Variants in PHF20L1 observed in about 807,000 individuals in gnomAD.
PHF20L1 encodes the protein PHD finger protein 20-like protein 1.
A neutral mutation model predicts 125.5 loss-of-function variants in PHF20L1; 44 were observed. The observed-to-expected ratio is 0.35, with a 90% confidence interval of 0.28 to 0.45. The LOEUF (loss-of-function observed/expected upper bound fraction) is 0.45. Ranked by LOEUF, PHF20L1 falls within the 20% of genes least tolerant of loss-of-function variation. The pLI, the probability that PHF20L1 is intolerant of heterozygous loss-of-function variation, is 1.00. For missense variants in PHF20L1, 1,012 were observed against 1,217.2 expected (o/e 0.83, Z 2.51); for synonymous variants, 380 against 403.1 (o/e 0.94, Z 0.69).
rs77662771 is a variant in PHF20L1 at position 132,785,198 on chromosome 8, T to C, written c.83+7287T>C. Among the ~76,000 whole-genome samples the C allele has an allele frequency of 1.2e-4, 19 of 152,300 alleles. No individual in the cohort carries two copies. In the East Asian group the frequency reaches 3.7e-3, roughly 29 times the overall value. On this transcript the variant is annotated intron_variant, in intron 2 of 20. Coordinates refer to ENST00000395386, the MANE Select transcript of PHF20L1 (RefSeq NM_016018.5). ...CACACACATCCAGCTCCCTATTTGT[T>C]ACATCATTCCTGCCGAATGTTATTA...
Position 132,842,603 on chromosome 8 carries a change from A to G in PHF20L1, c.2476A>G (p.Ile826Val). 6.2e-7 allele frequency: 1 copy of G among 1,613,164 alleles called. No individual in the cohort carries two copies. Among genetic ancestry groups the G allele is most frequent in the Non-Finnish European group, 8.5e-7 (1 of 1,179,560 alleles). Residue 826 changes from isoleucine (I) to valine (V), a missense_variant, in exon 19 of 21, where the codon ATA becomes GTA. Ile to Val is a conservative substitution (Grantham distance 29, BLOSUM62 3). This residue lies in a region of PHF20L1 where 277 missense variants were observed against 283.6 expected (regional missense o/e 0.98). Coordinates refer to ENST00000395386, the MANE Select transcript of PHF20L1 (RefSeq NM_016018.5). ...AATAATAGCTGGGGTGGAGAAAAAA[A>G]TAGCTCAAGACACAGTTAATCGAGA... ...DQIIAGVEKKIAQDTVNREEK... is the reference protein window; with the variant it reads ...DQIIAGVEKKVAQDTVNREEK...
chr8:132,824,170 A>G (rs376327792), intron 13 of PHF20L1, 110 bp downstream of exon 13: 2 of 656,102 alleles, frequency 3.0e-6, no homozygotes, highest in South Asian at 4.0e-5. Flanking sequence ...GGTGTAAGTG[A>G]TCATCTGTTT....
chr8:132,777,704 C>G (rs181823408), intron 1 of PHF20L1, 88 bp from the exon 2 acceptor site: 743 of 628,782 alleles, frequency 1.2e-3, no homozygotes, highest in Non-Finnish European at 1.1e-3. Context: ...TTTAGAAATT[C>G]TGTTTAATTT....
At chr8:132,831,660 T>C (rs1836794847) in intron 14 of PHF20L1, among the ~76,000 whole-genome samples, 1 of 152,034 alleles carries the variant, frequency 6.6e-6, no homozygotes, top group Admixed American at 6.6e-5. Flanking sequence ...TCAACTTTTA[T>C]TAGGTTGGTA....
At chr8:132,792,953 AC>A in intron 2 of PHF20L1, among the ~76,000 whole-genome samples, 1 of 137,876 alleles carries the variant, frequency 7.3e-6, no homozygotes, top group African/African-American at 2.7e-5. Flanking sequence ...ATTTGAGAAG[AC>A]CCCTTTTTTC....
chr8:132,837,937 G>A (rs879222577), intron 17 of PHF20L1, 126 bp downstream of exon 17: 7 of 662,230 alleles, frequency 1.1e-5, no homozygotes, highest in South Asian at 3.2e-5. Flanking sequence ...ATAGGTTCTT[G>A]GAAACTGTGA....
rs186126521 is a variant in PHF20L1, at chr8:132,848,112, G to A, written c.*2189G>A. The stretch of plus-strand genomic sequence containing the variant: ...GTAACATTCATCCTCTTGATTCCTG[G>A]TGAACACGGTTAAATTCATGCACAT... On this transcript the variant is annotated 3_prime_UTR_variant, in exon 21 of 21. Transcript: ENST00000395386. 28 of 152,014 alleles carry A rather than the reference G, an allele frequency of 1.8e-4. 1 individual carries two copies. The highest frequency in any genetic ancestry group is 6.0e-4 in the African/African-American group (25 of 41,484). The allele number at this position is 152,014 out of a possible 1,614,324, so 9.4% of individuals were successfully genotyped here. A position where few individuals can be genotyped will look rare whatever the true frequency, so the allele number is the denominator to read the frequency against.
chr8:132,789,904 C>T (rs752972986), intron 2 of PHF20L1, among the ~76,000 whole-genome samples: 2 of 152,144 alleles, frequency 1.3e-5, no homozygotes, highest in East Asian at 1.9e-4. Context: ...CTGTTGAACC[C>T]TTGAGAGATG....
intron 2 of PHF20L1, among the ~76,000 whole-genome samples, chr8:132,780,061 A>G (rs1830252935): frequency 6.6e-6 from 1 of 152,100 alleles, no homozygotes; most frequent in Non-Finnish European, 1.5e-5. Context: ...AGATTTTGGC[A>G]CTCTGTTTCA....
chr8:132,811,676 A>G (rs1834407239), intron 9 of PHF20L1: 1 of 985,192 alleles, frequency 1.0e-6, no homozygotes, highest in Non-Finnish European at 1.2e-6. Context: ...TTTAAAAGTG[A>G]AGGTTGCAGT....
chr8:132,826,485 G>A (rs1054953738), intron 14 of PHF20L1: 1 of 152,076 alleles, frequency 6.6e-6, no homozygotes, highest in African/African-American at 2.4e-5. Flanking sequence ...CAAAAGTCAT[G>A]CATTCCTTCA....
chr8:132,837,605 G>T, intron 16 of PHF20L1, 107 bp from the exon 17 acceptor site: 1 of 749,744 alleles, frequency 1.3e-6, no homozygotes, highest in South Asian at 1.5e-5. Context: ...ACTGATAGTG[G>T]CAGTAAGAAG....
intron 2 of PHF20L1, among the ~76,000 whole-genome samples, chr8:132,785,125 G>A (rs542270832): frequency 9.9e-5 from 15 of 152,182 alleles, no homozygotes; most frequent in South Asian, 4.1e-4. Flanking sequence ...AGAAAAGACC[G>A]TTTTATTTGC....
chr8:132,824,256 T>TAAAA, intron 13 of PHF20L1, 196 bp downstream of exon 13: 1 of 396,020 alleles, frequency 2.5e-6, no homozygotes. Context: ...GTAACTTTTT[T>TAAAA]GTCAAGAGAG....
chr8:132,842,457 G>T, intron 18 of PHF20L1, 58 bp from the exon 19 acceptor site: 2 of 1,453,604 alleles, frequency 1.4e-6, no homozygotes, highest in South Asian at 1.4e-5. Flanking sequence ...ATTGTATTCA[G>T]CTTGTTAATA....
At chr8:132,842,428 C>T (rs1363551098) in intron 18 of PHF20L1, 87 bp from the exon 19 acceptor site, 11 of 1,256,614 alleles carry the variant, frequency 8.8e-6, no homozygotes, top group Non-Finnish European at 1.1e-5. Flanking sequence ...GTCCTCCTAA[C>T]CTAATTCTGA....
At chr8:132,807,548 G>T in intron 8 of PHF20L1, 1 of 342,556 alleles carries the variant, frequency 2.9e-6, no homozygotes, top group South Asian at 2.3e-5. Context: ...TTGACCAGTA[G>T]TATGTTATTG....
intron 18 of PHF20L1, among the ~76,000 whole-genome samples, chr8:132,840,008 C>G (rs560220765): frequency 6.6e-6 from 1 of 151,978 alleles, no homozygotes; most frequent in African/African-American, 2.4e-5. Context: ...GCCTACAAAC[C>G]GAATTCACTT....
chr8:132,842,582 A>G lies in PHF20L1; in HGVS notation c.2455A>G (p.Ile819Val). The change falls in exon 19 of 21, where the codon ATA (isoleucine) becomes GTA (valine). Residue 819 changes from isoleucine (I) to valine (V), a missense_variant. By Grantham distance (29) the Ile-to-Val change is conservative (BLOSUM62 3). This residue lies in a region of PHF20L1 where 277 missense variants were observed against 283.6 expected (regional missense o/e 0.98). Transcript: ENST00000395386. Reference protein sequence around the residue: ...SGKRKDQDQIIAGVEKKIAQD... With the variant: ...SGKRKDQDQIVAGVEKKIAQD... ...GAAGCGAAAAGACCAAGATCAAATA[A>G]TAGCTGGGGTGGAGAAAAAAATAGC... 3 of 1,612,900 alleles carry G rather than the reference A, an allele frequency of 1.9e-6. No individual in the cohort carries two copies. The highest frequency in any genetic ancestry group is 2.5e-6 in the Non-Finnish European group (3 of 1,179,452).
Sources: allele counts gnomAD v4.1 joint callset (sites outside exome capture counted in the v4.1 genomes callset), GRCh38; gene constraint gnomAD v4.1.1; regional missense constraint gnomAD v4.1.1; transcripts MANE v1.5; gene names NCBI Gene and HGNC (gene_info 2026-07-23, HGNC 2026-07-21).